ALDH1A2: variants seen among roughly 807,000 people sequenced by gnomAD.
ALDH1A2 encodes the protein aldehyde dehydrogenase 1 family member A2.
ALDH1A2 carries 27 observed loss-of-function variants against 60.3 expected under a neutral mutation model. The observed-to-expected ratio is 0.45, with a 90% CI of 0.33 to 0.62. ALDH1A2 has a LOEUF of 0.62. ALDH1A2 is among the 20% of genes least tolerant of loss of function. The pLI is 0.02. For synonymous variants in ALDH1A2, 289 were observed against 232.4 expected (o/e 1.24, Z -2.21); for missense variants, 581 against 643.8 (o/e 0.90, Z 1.06).
At chr15:57,955,306 G>T (rs752485308) in intron 12 of ALDH1A2, 37 bp from the exon 13 acceptor site, 5 of 1,610,096 alleles carry the variant, frequency 3.1e-6, no homozygotes, top group Non-Finnish European at 4.2e-6. Flanking sequence ...GATACCAGAA[G>T]TCCAGGGAGC....
chr15:58,013,297 A>G (rs891414333), intron 3 of ALDH1A2, among the ~76,000 whole-genome samples: 1 of 152,174 alleles, frequency 6.6e-6, no homozygotes, highest in Non-Finnish European at 1.5e-5. Flanking sequence ...TGCAAGCAGC[A>G]TGGTGACTCT....
At chr15:57,972,411 G>C (rs1274116676) in intron 7 of ALDH1A2, among the ~76,000 whole-genome samples, 2 of 152,158 alleles carry the variant, frequency 1.3e-5, no homozygotes, top group Admixed American at 6.5e-5. Context: ...TTTCAGGTAA[G>C]CTTTAAAAAT....
rs1566964621 is a variant in ALDH1A2, at chr15:58,061,597, A to AAAAAAAG, written c.117+3936_117+3937insCTTTTTT. Among the ~76,000 whole-genome samples, 41 of 138,674 alleles carry AAAAAAAG rather than the reference A, an allele frequency of 3.0e-4. 2 individuals carry two copies. The highest frequency in any genetic ancestry group is 5.3e-4 in the Non-Finnish European group (33 of 62,004). The allele number at this position is 138,674 out of a possible 152,430, so 91.0% of individuals were successfully genotyped here. A position where few individuals can be genotyped will look rare whatever the true frequency, so the allele number is the denominator to read the frequency against. On this transcript the variant is annotated intron_variant, in intron 1 of 12. Coordinates refer to ENST00000249750, the MANE Select transcript of ALDH1A2 (RefSeq NM_003888.4). ...ATAAAGATTTAAACTCCTTCCCTCA[A>AAAAAAAG]AAAAAAAAAAAACAAAAAAAAAAAA...
At chr15:57,973,650 G>A (rs1019386839) in intron 7 of ALDH1A2, among the ~76,000 whole-genome samples, 27 of 152,136 alleles carry the variant, frequency 1.8e-4, no homozygotes, top group African/African-American at 6.5e-4. Context: ...TACTAATATG[G>A]AAATTACAAA....
rs34706591 is a variant in ALDH1A2 at position 57,955,326 on chromosome 15, G to C, written c.1485-57C>G. On this transcript the variant is annotated intron_variant, in intron 12 of 12. Coordinates refer to ENST00000249750, the MANE Select transcript of ALDH1A2 (RefSeq NM_003888.4). ...CAGAAGTCCAGGGAGCTGCATGTGA[G>C]TGCAGCGGGAGTCCTGGGGAGGTGC... 4.7e-5 allele frequency: 73 copies of C among 1,565,756 alleles called. 1 individual carries two copies. The Admixed American group carries it at 9.2e-4, about 20-fold the overall frequency.
At chr15:57,965,883 C>G (rs367969993) in intron 7 of ALDH1A2, 56 bp from the exon 8 acceptor site, 3 of 1,353,982 alleles carry the variant, frequency 2.2e-6, no homozygotes, top group African/African-American at 2.9e-5. Context: ...AGACAGTCAC[C>G]GGCCAATGCC....
intron 4 of ALDH1A2, among the ~76,000 whole-genome samples, chr15:58,004,221 C>T (rs1895371261): frequency 1.3e-5 from 2 of 151,824 alleles, no homozygotes. Context: ...ACTGATTATC[C>T]ATCTGTAGTC....
intron 7 of ALDH1A2, among the ~76,000 whole-genome samples, chr15:57,972,079 A>ATTAT (rs1566933040): frequency 6.6e-6 from 1 of 152,160 alleles, no homozygotes; most frequent in East Asian, 1.9e-4. Flanking sequence ...TTTCACAAAC[A>ATTAT]TTATTTTATT....
At chr15:57,994,978 A>G (rs1895003291) in intron 5 of ALDH1A2, 100 bp downstream of exon 5, 2 of 1,164,446 alleles carry the variant, frequency 1.7e-6, no homozygotes, top group Non-Finnish European at 2.6e-6. Context: ...TTTTTCCTCC[A>G]GTAATGGAAA....
At chr15:58,065,007 G>C (rs918452956) in intron 1 of ALDH1A2, among the ~76,000 whole-genome samples, 1 of 152,226 alleles carries the variant, frequency 6.6e-6, no homozygotes, top group African/African-American at 2.4e-5. Flanking sequence ...TCAGGTTTCC[G>C]TGAAATTTGT....
At chr15:57,973,664 G>C (rs1243356975) in intron 7 of ALDH1A2, among the ~76,000 whole-genome samples, 1 of 152,136 alleles carries the variant, frequency 6.6e-6, no homozygotes, top group African/African-American at 2.4e-5. Flanking sequence ...TTACAAATTG[G>C]CTTTTATATT....
chr15:58,057,667 T>C (rs1049166890), intron 1 of ALDH1A2, among the ~76,000 whole-genome samples: 17 of 152,184 alleles, frequency 1.1e-4, no homozygotes, highest in African/African-American at 4.1e-4. Context: ...TGAATCCTCA[T>C]TCATCTCAAA....
intron 1 of ALDH1A2, among the ~76,000 whole-genome samples, chr15:58,035,159 T>A (rs1320161123): frequency 6.6e-6 from 1 of 151,646 alleles, no homozygotes; most frequent in Non-Finnish European, 1.5e-5. Flanking sequence ...TTCATACATA[T>A]TTCTCTTTGA....
intron 1 of ALDH1A2, among the ~76,000 whole-genome samples, chr15:58,023,381 A>C (rs1362142310): frequency 6.6e-6 from 1 of 152,228 alleles, no homozygotes; most frequent in Non-Finnish European, 1.5e-5. Context: ...ATCAAGAAAC[A>C]AGAAACAAAG....
intron 7 of ALDH1A2, among the ~76,000 whole-genome samples, chr15:57,976,540 T>C (rs1404218137): frequency 6.6e-6 from 1 of 152,214 alleles, no homozygotes; most frequent in East Asian, 1.9e-4. Context: ...TTGTGTTAGT[T>C]TGCTGAGAAT....
Position 58,052,461 on chromosome 15 carries a change from A to AT in ALDH1A2, c.117+13072dup, listed in dbSNP as rs1896799058. The stretch of plus-strand genomic sequence containing the variant: ...AGTAACAAAGCTGTTACCAGGATTT[A>AT]TTTTTTATTTTTTTTATTTTTTGAG... On this transcript the variant is annotated intron_variant, in intron 1 of 12. Transcript: ENST00000249750. 2.0e-5 allele frequency among the ~76,000 whole-genome samples: 3 copies of AT among 152,022 alleles called. No individual in the cohort carries two copies. The South Asian group carries it at 6.2e-4, about 32-fold the overall frequency.
At chr15:58,059,433 T>A (rs180717427) in intron 1 of ALDH1A2, among the ~76,000 whole-genome samples, 35 of 152,332 alleles carry the variant, frequency 2.3e-4, no homozygotes, top group Non-Finnish European at 2.9e-4. Context: ...TCTTGGACAG[T>A]CAGGACTAGT....
Position 57,954,858 on chromosome 15 carries a change from G to T in ALDH1A2, c.*339C>A. The T allele has an allele frequency of 5.7e-6, 2 of 349,438 alleles. No individual in the cohort carries two copies. The highest frequency in any genetic ancestry group is 5.4e-6 in the Non-Finnish European group (1 of 183,650). 21.6% of individuals were successfully genotyped at this position (349,438 alleles called of 1,614,324 possible). On this transcript the variant is annotated 3_prime_UTR_variant, in exon 13 of 13. Coordinates refer to ENST00000249750, the MANE Select transcript of ALDH1A2 (RefSeq NM_003888.4). ...GAGAAAGGTCACCTTTCCTTGAGAG[G>T]AAAGTTCTTTGTGACAAAGACATGA... is the stretch of plus-strand genomic sequence containing the variant.
chr15:57,998,036 T>C (rs186465597), intron 4 of ALDH1A2, among the ~76,000 whole-genome samples: 4 of 152,136 alleles, frequency 2.6e-5, no homozygotes, highest in African/African-American at 7.2e-5. Flanking sequence ...GAGGCATTGA[T>C]GGAACATACC....
Sources: gnomAD v4.1 joint callset for allele counts (sites outside exome capture counted in the v4.1 genomes callset) on GRCh38, gnomAD v4.1.1 for gene constraint, MANE v1.5 for transcripts, NCBI Gene and HGNC (gene_info 2026-07-23, HGNC 2026-07-21) for gene names.